UBA1: variants seen among roughly 807,000 people sequenced by gnomAD.
UBA1 encodes the protein ubiquitin-like modifier-activating enzyme 1.
Under a neutral mutation model 84.7 loss-of-function variants are expected in UBA1, and 4 were observed. That is an observed-to-expected ratio of 0.05 (90% CI 0.02 to 0.11). The LOEUF (loss-of-function observed/expected upper bound fraction) is 0.11, where lower values mean the gene tolerates loss of function less well. Among genes scored for constraint, UBA1 ranks in the 10% least tolerant of loss-of-function variants. UBA1 has a pLI of 1.00. For missense variants in UBA1, 513 were observed against 902.8 expected (o/e 0.57, Z 5.53); for synonymous variants, 364 against 362.6 (o/e 1.00, Z -0.04).
At position 47,214,321 on chromosome X, in the gene UBA1, T is replaced by C; in HGVS notation, c.2839-6T>C. ...TCCATCTTACACTCCCCTCTTTGTC[T>C]TGCAGTACTATAACCAAGAGTGGAC... On this transcript the variant is annotated splice_region_variant and splice_polypyrimidine_tract_variant and intron_variant, in intron 23 of 25. Transcript: ENST00000335972. 1.7e-6 allele frequency: 2 copies of C among 1,208,401 alleles called. No homozygotes were observed. The highest frequency in any genetic ancestry group is 2.2e-6 in the Non-Finnish European group (2 of 892,583).
intron 1 of UBA1, among the ~76,000 whole-genome samples, chrX:47,195,869 C>T (rs1936188214): frequency 9.0e-6 from 1 of 110,661 alleles, no homozygotes; most frequent in African/African-American, 3.3e-5. Flanking sequence ...ATGTCAGATA[C>T]ACCTCTCCTC....
chrX:47,209,404 T>C, intron 16 of UBA1: 1 of 515,912 alleles, frequency 1.9e-6, no homozygotes, highest in South Asian at 2.5e-5. Context: ...TCCATCTGCC[T>C]TAGCCTCCCA....
intron 21 of UBA1, 128 bp downstream of exon 21, chrX:47,212,640 T>C (rs782460776): frequency 7.0e-6 from 6 of 857,653 alleles, no homozygotes; most frequent in Non-Finnish European, 1.0e-5. Flanking sequence ...CATATGGCTC[T>C]GAATGAGTAG....
intron 23 of UBA1, 143 bp downstream of exon 23, chrX:47,213,324 A>G (rs1556794152): frequency 3.2e-6 from 2 of 633,663 alleles, no homozygotes; most frequent in African/African-American, 4.5e-5. Context: ...CTTATTCATT[A>G]ATCACATTAT....
Position 47,202,343 on chromosome X carries a change from C to A in UBA1, c.910-15C>A. On this transcript the variant is annotated splice_polypyrimidine_tract_variant and intron_variant, in intron 9 of 25. Coordinates refer to ENST00000335972, the MANE Select transcript of UBA1 (RefSeq NM_003334.4). ...TCCTCTCTTCTGGTTCTGATGACCT[C>A]TCCCCCCGCCACAGAAATCCTTGGT... 4.1e-6 allele frequency: 5 copies of A among 1,209,017 alleles called. No homozygotes were observed. Among genetic ancestry groups the A allele is most frequent in the Non-Finnish European group, 5.6e-6 (5 of 894,030 alleles).
intron 1 of UBA1, chrX:47,198,210 A>G (rs1936271591): frequency 1.0e-6 from 1 of 980,309 alleles, no homozygotes; most frequent in Non-Finnish European, 1.3e-6. Flanking sequence ...TGGATGTCCA[A>G]GCCTCACTTC....
chrX:47,210,218 C>T (rs1176384186), intron 18 of UBA1, 95 bp downstream of exon 18: 9 of 1,004,488 alleles, frequency 9.0e-6, no homozygotes, highest in Non-Finnish European at 1.1e-5. Flanking sequence ...CCAGCTGTGG[C>T]AGGTGCCCTG....
At chrX:47,192,085 T>C (rs1317033650), upstream of UBA1, among the ~76,000 whole-genome samples, 3 of 111,774 alleles carry the variant, frequency 2.7e-5, no homozygotes, top group African/African-American at 9.8e-5. Flanking sequence ...TTCACGACAA[T>C]CCTAGGAGGT....
At position 47,202,740 on chromosome X, in the gene UBA1, G is replaced by A. The variant is rs1556788813; in HGVS notation, c.1159G>A (p.Ala387Thr). The A allele has an allele frequency of 8.3e-7, 1 of 1,210,770 alleles. No individual in the cohort carries two copies. Among genetic ancestry groups the A allele is most frequent in the East Asian group, 3.0e-5 (1 of 33,823 alleles). Residue 387 changes from alanine to threonine, a missense_variant, in exon 11 of 26, where the codon GCA becomes ACA. Around this residue, in one of 6 missense-constraint regions of UBA1, gnomAD observed 227 missense variants for 339.1 expected, o/e 0.67. Transcript: ENST00000335972. ...NLDEDLIRKL[A>T]YVAAGDLAPI... ...GGACGAGGACCTCATCCGGAAGCTG[G>A]CATATGTGGCTGCTGGGGATCTGGC...
intron 1 of UBA1, among the ~76,000 whole-genome samples, chrX:47,195,359 C>T (rs896816245): frequency 3.6e-5 from 4 of 111,631 alleles, no homozygotes; most frequent in Non-Finnish European, 7.5e-5. Flanking sequence ...AAGCGATTCT[C>T]CTGCCTCAGC....
intron 16 of UBA1, 149 bp downstream of exon 16, chrX:47,206,593 AG>A (rs1372011305): frequency 1.6e-5 from 9 of 552,160 alleles, no homozygotes; most frequent in Non-Finnish European, 2.7e-5. Flanking sequence ...ACTTCCCACC[AG>A]GCAGCCTAGG....
intron 16 of UBA1, among the ~76,000 whole-genome samples, chrX:47,207,033 T>A (rs1167572648): frequency 1.8e-5 from 2 of 111,141 alleles, no homozygotes; most frequent in African/African-American, 6.6e-5. Context: ...CTCCAGACAT[T>A]GCCAGATGTC....
Position 47,199,034 on chromosome X carries a change from T to C in UBA1, c.118-14T>C. On this transcript the variant is annotated splice_polypyrimidine_tract_variant and intron_variant, in intron 2 of 25. Coordinates refer to ENST00000335972, the MANE Select transcript of UBA1 (RefSeq NM_003334.4). ...GTGTGTCTCCCTAAACTTGTTCTTT[T>C]CCTCTATTCCTAGGGAATGGCCAAG... The C allele has an allele frequency of 8.3e-7, 1 of 1,212,020 alleles. No homozygotes were observed. Among genetic ancestry groups the C allele is most frequent in the Non-Finnish European group, 1.1e-6 (1 of 895,392 alleles).
chrX:47,197,950 C>G, intron 1 of UBA1: 1 of 825,337 alleles, frequency 1.2e-6, no homozygotes, highest in African/African-American at 2.1e-5. Flanking sequence ...CTTACTATGG[C>G]ATCTGGCACA....
chrX:47,213,282 G>A, intron 23 of UBA1, 101 bp downstream of exon 23: 1 of 887,221 alleles, frequency 1.1e-6, no homozygotes, highest in South Asian at 2.4e-5. Context: ...GTTTCTGTCT[G>A]TGTACCTACC....
chrX:47,197,149 C>G, intron 1 of UBA1: 1 of 755,010 alleles, frequency 1.3e-6, no homozygotes, highest in African/African-American at 2.3e-5. Flanking sequence ...CTCAGGGGCT[C>G]CAGCCAGCCT....
At chrX:47,209,569 G>A (rs782047151) in intron 16 of UBA1, 54 bp from the exon 17 acceptor site, 14 of 1,122,156 alleles carry the variant, frequency 1.2e-5, no homozygotes, top group African/African-American at 1.8e-5. Flanking sequence ...TAATGCCTGC[G>A]GAAACCCATT....
intron 20 of UBA1, among the ~76,000 whole-genome samples, chrX:47,211,794 A>T (rs1936929579): frequency 9.6e-6 from 1 of 104,121 alleles, no homozygotes; most frequent in Non-Finnish European, 2.0e-5. Context: ...CTCTCCATAG[A>T]TCTCCTCCCA....
At position 47,201,533 on chromosome X, in the gene UBA1, G is replaced by A. The variant is rs1409013948; in HGVS notation, c.734G>A (p.Gly245Glu). The A allele has an allele frequency of 8.3e-7, 1 of 1,210,364 alleles. No homozygotes were observed. The highest frequency in any genetic ancestry group is 1.1e-6 in the Non-Finnish European group (1 of 895,334). ...GAGGCCCGACACGGGTTTGAGAGCG[G>A]GGACTTTGTCTCCTTTTCAGAAGTA... The part of the protein sequence containing the change: ...LDEARHGFES[G>E]DFVSFSEVQG... Residue 245 changes from glycine (G) to glutamate (E), a missense_variant, in exon 8 of 26, where the codon GGG (glycine) becomes GAG (glutamate). Gly to Glu is a moderately conservative substitution (Grantham distance 98, BLOSUM62 -2). Transcript: ENST00000335972.
Sources: gnomAD v4.1 joint callset for allele counts (sites outside exome capture counted in the v4.1 genomes callset) on GRCh38, gnomAD v4.1.1 for gene constraint, gnomAD v4.1.1 regional missense constraint, MANE v1.5 for transcripts, NCBI Gene and HGNC (gene_info 2026-07-23, HGNC 2026-07-21) for gene names.